NRG4: variants seen among roughly 807,000 people sequenced by gnomAD.
NRG4 encodes the protein neuregulin 4, also known as pro-neuregulin-4, membrane-bound isoform.
In NRG4, 10 loss-of-function variants were observed where a neutral mutation model predicts 15.0. That is an observed-to-expected ratio of 0.67 (90% CI 0.41 to 1.13). The LOEUF is 1.13. Ranked by LOEUF, NRG4 falls within the 50% of genes most tolerant of loss-of-function variation. NRG4 has a pLI of 0.00. For missense variants in NRG4, 139 were observed against 140.2 expected (o/e 0.99, Z 0.04); for synonymous variants, 41 against 50.1 (o/e 0.82, Z 0.77).
rs117652083 is a variant in NRG4, at chr15:76,030,780, C to T, written c.-57+5164G>A. Among the ~76,000 whole-genome samples, 1,439 of 152,254 alleles carry T rather than the reference C, an allele frequency of 9.5e-3. 14 individuals carry two copies. The highest frequency in any genetic ancestry group is 0.013 in the Non-Finnish European group (883 of 68,022). ...TCTTTCCACAAAGGAAACACTATGC[C>T]TGGATGGCTTCACTGGTGAATTCCA... On this transcript the variant is annotated intron_variant, in intron 5 of 8. Coordinates refer to the NRG4 transcript ENST00000563910.
intron 3 of NRG4, chr15:76,052,870 AAT>A (rs1408335221): frequency 6.6e-6 from 1 of 151,166 alleles, no homozygotes; most frequent in Non-Finnish European, 1.5e-5. Flanking sequence ...TAGTCATACA[AAT>A]AACGAACATA....
chr15:76,044,281 C>A lies in NRG4; in HGVS notation c.-105+7786G>T, dbSNP rs369827287. 1.1e-3 allele frequency among the ~76,000 whole-genome samples: 160 copies of A among 145,394 alleles called. 9 individuals are homozygous for A. Among genetic ancestry groups the A allele is most frequent in the African/African-American group, 4.1e-3 (153 of 37,350 alleles). ...CCTCCCAAAGTGCTGGGATTACAGGCGTGAGCCACCGCGCCCGGCCACATG... is the reference window on the plus strand; with the variant it reads ...CCTCCCAAAGTGCTGGGATTACAGGAGTGAGCCACCGCGCCCGGCCACATG... On this transcript the variant is annotated intron_variant, in intron 4 of 8. Transcript: ENST00000563910.
intron 3 of NRG4, among the ~76,000 whole-genome samples, chr15:75,963,844 G>A (rs1415542266): frequency 6.6e-6 from 1 of 151,778 alleles, no homozygotes; most frequent in Non-Finnish European, 1.5e-5. Flanking sequence ...TCTGGAGGCT[G>A]AGGTGGGAAG....
rs1381164182 is a variant in NRG4 at position 75,961,827 on chromosome 15, C to A, written c.251+1G>T. ...CAAAAGCATGTTTCTATTTTACTTA[C>A]CTGCAAAGGAAGTAGAAGGCTCCAA... On this transcript the variant is annotated splice_donor_variant, in intron 4 of 5. Coordinates refer to ENST00000394907, the MANE Select transcript of NRG4 (RefSeq NM_138573.4). LOFTEE classifies it high-confidence loss of function. 1 of 1,606,104 alleles carries A rather than the reference C, an allele frequency of 6.2e-7. No individual in the cohort carries two copies. The highest frequency in any genetic ancestry group is 1.3e-5 in the African/African-American group (1 of 74,636).
At chr15:75,976,018 T>C (rs1339256985) in intron 3 of NRG4, among the ~76,000 whole-genome samples, 1 of 152,234 alleles carries the variant, frequency 6.6e-6, no homozygotes, top group African/African-American at 2.4e-5. Context: ...TCTTTTCACA[T>C]AGTCCCATAT....
chr15:76,025,594 G>A (rs2035292110), intron 5 of NRG4, among the ~76,000 whole-genome samples: 1 of 152,072 alleles, frequency 6.6e-6, no homozygotes. Context: ...TACAATTGAG[G>A]CTGGGCACAA....
At chr15:75,951,389 A>T (rs1251468206) in intron 5 of NRG4, among the ~76,000 whole-genome samples, 1 of 151,516 alleles carries the variant, frequency 6.6e-6, no homozygotes, top group Non-Finnish European at 1.5e-5. Context: ...GCTGATCTTG[A>T]ACTCCTGACC....
At chr15:75,966,861 A>T (rs1352250947) in intron 3 of NRG4, among the ~76,000 whole-genome samples, 1 of 152,200 alleles carries the variant, frequency 6.6e-6, no homozygotes, top group Non-Finnish European at 1.5e-5. Flanking sequence ...TCACACCTGT[A>T]ATTCCAGCAA....
chr15:76,047,054 TA>T lies in NRG4; in HGVS notation c.-105+5012del, dbSNP rs1224736917. Among the ~76,000 whole-genome samples the T allele has an allele frequency of 1.2e-4, 18 of 150,416 alleles. 1 individual carries two copies. Among genetic ancestry groups the T allele is most frequent in the Admixed American group, 4.0e-4 (6 of 15,172 alleles). ...ACATACAAATGGTCAACATGTGTAT[TA>T]AAAAAAACACTCAACATGACTAATC... On this transcript the variant is annotated intron_variant, in intron 4 of 8. Coordinates refer to the NRG4 transcript ENST00000563910.
At chr15:75,970,414 A>G (rs1251305768) in intron 3 of NRG4, among the ~76,000 whole-genome samples, 1 of 152,228 alleles carries the variant, frequency 6.6e-6, no homozygotes, top group African/African-American at 2.4e-5. Flanking sequence ...TCTTTGTTTT[A>G]TCACCTGACA....
chr15:76,024,893 T>A (rs556442144), intron 5 of NRG4, among the ~76,000 whole-genome samples: 8 of 152,318 alleles, frequency 5.3e-5, no homozygotes, highest in African/African-American at 1.7e-4. Context: ...TCTTTCCATA[T>A]GAAGCCTACT....
At chr15:76,010,062 T>C (rs893910829) in intron 2 of NRG4, among the ~76,000 whole-genome samples, 1 of 152,062 alleles carries the variant, frequency 6.6e-6, no homozygotes, top group Non-Finnish European at 1.5e-5. Context: ...TGCCTTCCCT[T>C]TCTCCCTTGG....
At chr15:75,959,547 G>A (rs2032414603) in intron 4 of NRG4, among the ~76,000 whole-genome samples, 1 of 152,110 alleles carries the variant, frequency 6.6e-6, no homozygotes, top group African/African-American at 2.4e-5. Flanking sequence ...CCAGGTTGGA[G>A]TGCAGTGGCA....
intron 5 of NRG4, among the ~76,000 whole-genome samples, chr15:75,948,161 G>A (rs1363277566): frequency 1.3e-5 from 2 of 152,030 alleles, no homozygotes; most frequent in Non-Finnish European, 2.9e-5. Context: ...TTTAAGTTTT[G>A]ATGTCCAATT....
rs988415643 is a variant in NRG4, at chr15:75,977,379, C to T, written c.105-15405G>A. Among the ~76,000 whole-genome samples, 1 of 152,198 alleles carries T rather than the reference C, an allele frequency of 6.6e-6. No individual in the cohort carries two copies. The highest frequency in any genetic ancestry group is 2.4e-5 in the African/African-American group (1 of 41,458). The stretch of plus-strand genomic sequence containing the variant: ...GGCGCCACTGGGGTATGAAAAACCC[C>T]TGCAGCTAGCTCTGTGTCTGCCAAA... On this transcript the variant is annotated intron_variant, in intron 3 of 5. Coordinates refer to ENST00000394907, the MANE Select transcript of NRG4 (RefSeq NM_138573.4). The surrounding 1 kb of genome is among the most constrained non-coding windows in gnomAD (Gnocchi z 4.9).
chr15:76,049,649 A>G (rs1178741870), intron 4 of NRG4, among the ~76,000 whole-genome samples: 3 of 151,078 alleles, frequency 2.0e-5, no homozygotes, highest in Non-Finnish European at 4.4e-5. Context: ...CTTTTCCAAT[A>G]TAACCACTTA....
At chr15:75,958,230 T>C (rs1377396788) in intron 4 of NRG4, among the ~76,000 whole-genome samples, 1 of 152,146 alleles carries the variant, frequency 6.6e-6, no homozygotes, top group Non-Finnish European at 1.5e-5. Flanking sequence ...GCCAGGATGG[T>C]CTCGATCTCC....
rs145628671 is a variant in NRG4, at chr15:76,002,283, G to A, written c.104+6917C>T. ...TTGAGGGTAGACTGTAATAAATTAA[G>A]AATATATACTGTAATATCTAGGATA... On this transcript the variant is annotated intron_variant, in intron 3 of 5. Transcript: ENST00000394907. Among the ~76,000 whole-genome samples, 826 of 152,102 alleles carry A rather than the reference G, an allele frequency of 5.4e-3. 11 individuals carry two copies. Among genetic ancestry groups the A allele is most frequent in the African/African-American group, 0.019 (783 of 41,482 alleles).
chr15:75,989,347 C>A (rs907219750), intron 3 of NRG4, among the ~76,000 whole-genome samples: 1 of 151,982 alleles, frequency 6.6e-6, no homozygotes, highest in Non-Finnish European at 1.5e-5. Flanking sequence ...CGTGGCCTAC[C>A]GATGAATGCT....
Sources: gnomAD v4.1 joint callset for allele counts (sites outside exome capture counted in the v4.1 genomes callset) on GRCh38, gnomAD v4.1.1 for gene constraint, Gnocchi (gnomAD v3.1) non-coding constraint, MANE v1.5 for transcripts, NCBI Gene and HGNC (gene_info 2026-07-23, HGNC 2026-07-21) for gene names.